Variants in GNA14 observed in about 807,000 individuals in gnomAD.
GNA14 encodes the protein guanine nucleotide-binding protein subunit alpha-14.
Under a neutral mutation model 42.0 loss-of-function variants are expected in GNA14, and 50 were observed. The ratio of observed to expected loss-of-function variants is 1.19; its 90% CI spans 0.95 to 1.51. GNA14 has a LOEUF of 1.51. GNA14 is among the 40% of genes most tolerant of loss of function. The probability of loss-of-function intolerance (pLI) is 0.00; values close to 1 mark genes in which losing one functional copy is unlikely to be tolerated. For synonymous variants in GNA14, 173 were observed against 163.1 expected (o/e 1.06, Z -0.46); for missense variants, 473 against 446.2 (o/e 1.06, Z -0.54).
intron 2 of GNA14, among the ~76,000 whole-genome samples, chr9:77,502,431 G>A (rs1229775042): frequency 2.0e-5 from 3 of 152,122 alleles, no homozygotes; most frequent in African/African-American, 4.8e-5. Flanking sequence ...AGGGGAAGTC[G>A]GGGAGGGGAG....
intron 2 of GNA14, among the ~76,000 whole-genome samples, chr9:77,488,784 T>TAAAAAA (rs67416479): frequency 9.1e-4 from 49 of 53,678 alleles, no homozygotes; most frequent in African/African-American, 1.0e-3. Context: ...CACACCTAAT[T>TAAAAAA]AAAAAAAAAA....
chr9:77,490,904 C>T lies in GNA14; in HGVS notation c.309+38165G>A, dbSNP rs558085097. Among the ~76,000 whole-genome samples the T allele has an allele frequency of 1.6e-4, 25 of 152,302 alleles. No individual in the cohort carries two copies. The East Asian group carries it at 3.5e-3, about 21-fold the overall frequency. ...GCCCAGGCAGAGGAGGCGCCGAGAG[C>T]GAGCAAGGGCTGTGAGGACTGCCAG... On this transcript the variant is annotated intron_variant, in intron 2 of 6. Coordinates refer to ENST00000341700, the MANE Select transcript of GNA14 (RefSeq NM_004297.4).
chr9:77,643,342 C>T (rs566481478), intron 1 of GNA14, among the ~76,000 whole-genome samples: 7 of 151,452 alleles, frequency 4.6e-5, no homozygotes, highest in South Asian at 2.1e-4. Flanking sequence ...CAGGTTCAAG[C>T]GATTATCTTG....
intron 1 of GNA14, among the ~76,000 whole-genome samples, chr9:77,625,005 T>TG (rs755194606): frequency 2.6e-5 from 4 of 151,464 alleles, no homozygotes; most frequent in Non-Finnish European, 4.4e-5. Flanking sequence ...CTAAGAACCT[T>TG]GAAAAAAAGG....
chr9:77,587,604 A>G (rs549665454), intron 1 of GNA14, among the ~76,000 whole-genome samples: 16 of 152,184 alleles, frequency 1.1e-4, no homozygotes, highest in Non-Finnish European at 2.1e-4. Flanking sequence ...GAAAGAACAC[A>G]GATTGGTGGT....
intron 5 of GNA14, among the ~76,000 whole-genome samples, chr9:77,426,100 G>A (rs985821477): frequency 6.6e-6 from 1 of 152,156 alleles, no homozygotes; most frequent in African/African-American, 2.4e-5. Flanking sequence ...CTTCAGACCT[G>A]ACACGGCCAC....
At chr9:77,645,595 G>C (rs558131228) in intron 1 of GNA14, among the ~76,000 whole-genome samples, 2 of 152,316 alleles carry the variant, frequency 1.3e-5, no homozygotes, top group African/African-American at 2.4e-5. Context: ...AGGAGGGTTG[G>C]AGCAATGGCC....
At chr9:77,603,943 C>T (rs1368950795) in intron 1 of GNA14, among the ~76,000 whole-genome samples, 1 of 40,164 alleles carries the variant, frequency 2.5e-5, no homozygotes, top group African/African-American at 8.1e-5. Context: ...GACTCCATCT[C>T]AAAAAAAAAA....
At chr9:77,525,571 C>T (rs1438173800) in intron 2 of GNA14, among the ~76,000 whole-genome samples, 3 of 149,646 alleles carry the variant, frequency 2.0e-5, no homozygotes, top group Admixed American at 6.7e-5. Context: ...TGGAGTCTCG[C>T]TCTGTTGCCC....
chr9:77,428,128 G>C (rs955098329), intron 5 of GNA14, among the ~76,000 whole-genome samples: 15 of 146,418 alleles, frequency 1.0e-4, no homozygotes, highest in African/African-American at 3.6e-4. Context: ...GCCCAGGCTG[G>C]AGTGCAGTGG....
At position 77,428,901 on chromosome 9, in the gene GNA14, G is replaced by A. The variant is rs369394414; in HGVS notation, c.723+6C>T. 12 of 1,612,638 alleles carry A rather than the reference G, an allele frequency of 7.4e-6. No homozygotes were observed. The highest frequency in any genetic ancestry group is 1.0e-5 in the Non-Finnish European group (12 of 1,179,390). The stretch of plus-strand genomic sequence containing the variant: ...CACAGCTACCCAAACTTCCCGCCCA[G>A]CATACCTCGTTGTCACACTCAGCCA... On this transcript the variant is annotated splice_donor_region_variant and intron_variant, in intron 5 of 6. Transcript: ENST00000341700.
chr9:77,487,990 G>A (rs139299649), intron 2 of GNA14, among the ~76,000 whole-genome samples: 171 of 152,146 alleles, frequency 1.1e-3, no homozygotes, highest in African/African-American at 3.8e-3. Context: ...TTTGATACCA[G>A]GACCATCATC....
intron 1 of GNA14, among the ~76,000 whole-genome samples, chr9:77,580,871 T>C (rs1191890553): frequency 6.6e-6 from 1 of 152,138 alleles, no homozygotes; most frequent in African/African-American, 2.4e-5. Context: ...ATGCAAGTAA[T>C]ACAAAAGGTA....
At chr9:77,514,707 G>A (rs1056986561) in intron 2 of GNA14, among the ~76,000 whole-genome samples, 8 of 150,242 alleles carry the variant, frequency 5.3e-5, no homozygotes, top group African/African-American at 1.2e-4. Flanking sequence ...TCCGCCTCCC[G>A]GGTTCACGCC....
chr9:77,482,241 C>G (rs1836567919), intron 2 of GNA14, among the ~76,000 whole-genome samples: 1 of 152,124 alleles, frequency 6.6e-6, no homozygotes, highest in Admixed American at 6.6e-5. Flanking sequence ...TTAGGGCAGG[C>G]CTGGTGGTGA....
intron 2 of GNA14, among the ~76,000 whole-genome samples, chr9:77,499,803 T>C (rs1461213325): frequency 6.6e-6 from 1 of 151,852 alleles, no homozygotes; most frequent in Non-Finnish European, 1.5e-5. Flanking sequence ...TGGGCCGAGA[T>C]CATGCCACTG....
At chr9:77,527,854 C>T (rs1447505993) in intron 2 of GNA14, among the ~76,000 whole-genome samples, 4 of 152,226 alleles carry the variant, frequency 2.6e-5, no homozygotes, top group Non-Finnish European at 4.4e-5. Flanking sequence ...AGGCTGGTCT[C>T]GAACTCCTGA....
intron 2 of GNA14, chr9:77,517,652 G>T (rs11145453): frequency 0.14 from 17,427 of 121,682 alleles, 1,295 homozygotes; most frequent in South Asian, 0.33. Flanking sequence ...TGTCACCCAG[G>T]CTGGAGTGCA....
chr9:77,546,149 A>T (rs984897674), intron 1 of GNA14, among the ~76,000 whole-genome samples: 5 of 143,612 alleles, frequency 3.5e-5, no homozygotes, highest in Non-Finnish European at 3.0e-5. Context: ...CCAGGGAGGC[A>T]GAGGTTGCAG....
Sources: gnomAD v4.1 joint callset for allele counts (sites outside exome capture counted in the v4.1 genomes callset) on GRCh38, gnomAD v4.1.1 for gene constraint, MANE v1.5 for transcripts, NCBI Gene and HGNC (gene_info 2026-07-23, HGNC 2026-07-21) for gene names.